Variants in RUFY1 observed in about 807,000 individuals in gnomAD.
The protein encoded by RUFY1 is RUN and FYVE domain-containing protein 1.
A neutral mutation model predicts 94.6 loss-of-function variants in RUFY1; 54 were observed. The observed-to-expected ratio is 0.57, with a 90% CI of 0.46 to 0.72. The LOEUF (loss-of-function observed/expected upper bound fraction) is 0.72. Among genes scored for constraint, RUFY1 ranks in the 30% least tolerant of loss-of-function variants. The pLI is 0.00. For synonymous variants in RUFY1, 396 were observed against 347.3 expected (o/e 1.14, Z -1.56); for missense variants, 883 against 883.9 (o/e 1.00, Z 0.01).
At chr5:179,564,685 GA>G (rs374289600) in intron 3 of RUFY1, among the ~76,000 whole-genome samples, 24 of 107,252 alleles carry the variant, frequency 2.2e-4, no homozygotes, top group African/African-American at 8.1e-4. Flanking sequence ...AAAAAAAAAA[GA>G]AAAAAAAATC....
chr5:179,562,510 C>G, intron 2 of RUFY1, 37 bp from the exon 3 acceptor site: 1 of 1,340,852 alleles, frequency 7.5e-7, no homozygotes, highest in Non-Finnish European at 1.1e-6. Context: ...ATTTTGCAAC[C>G]TGTTCTTATG....
At chr5:179,560,725 CA>C (rs68093858) in intron 2 of RUFY1, among the ~76,000 whole-genome samples, 28,855 of 78,434 alleles carry the variant, frequency 0.37, 1,760 homozygotes, top group Middle Eastern at 0.45. Context: ...GACTCCGTCT[CA>C]AAAAAAAAAA....
chr5:179,602,767 T>A (rs1297850152), intron 15 of RUFY1: 3 of 152,348 alleles, frequency 2.0e-5, no homozygotes, highest in Non-Finnish European at 2.9e-5. Flanking sequence ...CAGGTGGGTC[T>A]GGACCCTGCA....
chr5:179,609,203 T>G (rs1767451518), intron 17 of RUFY1, among the ~76,000 whole-genome samples, 173 bp from the exon 18 acceptor site: 2 of 32,432 alleles, frequency 6.2e-5, no homozygotes, highest in South Asian at 1.7e-3. Flanking sequence ...CAAGACTCTA[T>G]CTCAAAAAAA....
At chr5:179,569,563 G>A in intron 5 of RUFY1, 138 bp downstream of exon 5, 1 of 860,250 alleles carries the variant, frequency 1.2e-6, no homozygotes, top group Non-Finnish European at 1.9e-6. Flanking sequence ...GATGCAGCTG[G>A]GGAAGGTCTC....
intron 5 of RUFY1, 65 bp downstream of exon 5, chr5:179,569,490 C>A (rs1763064698): frequency 2.0e-6 from 3 of 1,528,430 alleles, no homozygotes; most frequent in Non-Finnish European, 2.7e-6. Context: ...ATAGGATCTG[C>A]AAACAGGTAC....
intron 13 of RUFY1, among the ~76,000 whole-genome samples, chr5:179,597,433 C>T (rs377090867): frequency 2.8e-4 from 43 of 152,248 alleles, no homozygotes; most frequent in East Asian, 2.5e-3. Context: ...GACGGGGTTT[C>T]ACTGTGTTAA....
chr5:179,588,149 T>C (rs900297031), intron 8 of RUFY1, among the ~76,000 whole-genome samples: 1 of 152,210 alleles, frequency 6.6e-6, no homozygotes, highest in African/African-American at 2.4e-5. Flanking sequence ...CCTTGGTGTT[T>C]CTTTTTTTGG....
In RUFY1 at chr5:179,597,085, C is replaced by T. The variant is rs570075567; in HGVS notation, c.1631+404C>T. ...CAGATTTTTTATTTTTTAAGTCTCA[C>T]TCTGTCATCCAGGCTGGAGTGCAGT... is the stretch of plus-strand genomic sequence containing the variant. On this transcript the variant is annotated intron_variant, in intron 13 of 17. Coordinates refer to ENST00000319449, the MANE Select transcript of RUFY1 (RefSeq NM_025158.5). The T allele has an allele frequency of 1.4e-3, 231 of 169,330 alleles. 1 individual carries two copies. Among genetic ancestry groups the T allele is most frequent in the African/African-American group, 5.3e-3 (224 of 41,928 alleles). The allele number at this position is 169,330 out of a possible 1,614,324, so 10.5% of individuals were successfully genotyped here. A position where few individuals can be genotyped will look rare whatever the true frequency, so the allele number is the denominator to read the frequency against.
chr5:179,596,693 G>A lies in RUFY1; in HGVS notation c.1631+12G>A, dbSNP rs182707042. 8.2e-6 allele frequency: 13 copies of A among 1,576,392 alleles called. No homozygotes were observed. In the East Asian group the frequency reaches 2.5e-4, roughly 30 times the overall value. ...CTGCACGAGCAATGGTAGGGGCCCT[G>A]CAGGGAGCCTGGGCTGGGGTGTGGC... On this transcript the variant is annotated intron_variant, in intron 13 of 17. Coordinates refer to ENST00000319449, the MANE Select transcript of RUFY1 (RefSeq NM_025158.5).
At chr5:179,598,438 A>G in intron 13 of RUFY1, 1 of 510,634 alleles carries the variant, frequency 2.0e-6, no homozygotes, top group Non-Finnish European at 3.5e-6. Flanking sequence ...TATGTGGTCT[A>G]AGTGTTCTAG....
At chr5:179,556,892 T>C (rs974902607) in intron 1 of RUFY1, among the ~76,000 whole-genome samples, 2 of 152,336 alleles carry the variant, frequency 1.3e-5, no homozygotes, top group Admixed American at 1.3e-4. Context: ...TGCTAAAGCG[T>C]GATAGAATTC....
chr5:179,554,291 C>T (rs919015112), intron 1 of RUFY1, among the ~76,000 whole-genome samples: 2 of 152,132 alleles, frequency 1.3e-5, no homozygotes, highest in Non-Finnish European at 1.5e-5. Flanking sequence ...AATCCCAGCA[C>T]TTTGGAAGAC....
chr5:179,571,234 G>T (rs909591087), intron 5 of RUFY1, among the ~76,000 whole-genome samples: 1 of 152,082 alleles, frequency 6.6e-6, no homozygotes, highest in Non-Finnish European at 1.5e-5. Flanking sequence ...CATGGCTCAC[G>T]CCTGTAATTC....
chr5:179,578,447 G>C (rs1188641196), intron 6 of RUFY1, among the ~76,000 whole-genome samples: 1 of 151,374 alleles, frequency 6.6e-6, no homozygotes, highest in Non-Finnish European at 1.5e-5. Context: ...TTGAACTCCT[G>C]GCCTCAGGTG....
intron 12 of RUFY1, among the ~76,000 whole-genome samples, chr5:179,595,642 C>CCACCTT (rs1765566426): frequency 6.6e-6 from 1 of 151,794 alleles, no homozygotes; most frequent in African/African-American, 2.4e-5. Flanking sequence ...ATCTCTACCT[C>CCACCTT]CCAGGTTCAA....
At chr5:179,552,980 T>C (rs374373597) in intron 1 of RUFY1, among the ~76,000 whole-genome samples, 1 of 152,348 alleles carries the variant, frequency 6.6e-6, no homozygotes, top group South Asian at 2.1e-4. Context: ...GCTTCATGGG[T>C]GGACAGTCAA....
At position 179,605,446 on chromosome 5, in the gene RUFY1, A is replaced by G. The variant is rs73810811; in HGVS notation, c.1857-430A>G. Among the ~76,000 whole-genome samples, 1,475 of 152,332 alleles carry G rather than the reference A, an allele frequency of 9.7e-3. 29 individuals carry two copies. The highest frequency in any genetic ancestry group is 0.031 in the African/African-American group (1,295 of 41,578). On this transcript the variant is annotated intron_variant, in intron 15 of 17. Transcript: ENST00000319449. Reference sequence around the variant, plus strand: ...TGGAGCAAGAACAAATGGCTATGCCATCTGAGCCTTCCCCCTTCCAGACAG... The same window carrying G: ...TGGAGCAAGAACAAATGGCTATGCCGTCTGAGCCTTCCCCCTTCCAGACAG...
chr5:179,552,164 CAAAAAAAAAAAA>C (rs563730431), intron 1 of RUFY1, among the ~76,000 whole-genome samples: 2 of 73,452 alleles, frequency 2.7e-5, no homozygotes, highest in South Asian at 6.8e-4. Flanking sequence ...GACTCTGTCT[CAAAAAAAAAAAA>C]AAAAAAAAAA....
Sources: allele counts gnomAD v4.1 joint callset (sites outside exome capture counted in the v4.1 genomes callset), GRCh38; gene constraint gnomAD v4.1.1; transcripts MANE v1.5; gene names NCBI Gene and HGNC (gene_info 2026-07-23, HGNC 2026-07-21).